BLTP2: variants seen among roughly 807,000 people sequenced by gnomAD.
BLTP2 encodes the protein U937-associated antigen.
chr17:28,615,840 G>T, the BLTP2 span: 5 of 1,607,016 alleles, frequency 3.1e-6, no homozygotes, highest in Admixed American at 5.0e-5. Flanking sequence ...AGAGGGGTGG[G>T]GAATACATCA....
chr17:28,625,355 A>G, the BLTP2 span, among the ~76,000 whole-genome samples: 7 of 145,634 alleles, frequency 4.8e-5, no homozygotes, highest in African/African-American at 7.7e-5. Context: ...AAAAAAAAAA[A>G]AAAGAAAAAG....
the BLTP2 span, chr17:28,644,104 C>CA: frequency 3.1e-6 from 5 of 1,613,982 alleles, no homozygotes; most frequent in African/African-American, 1.3e-5. Context: ...ATTCTGGATC[C>CA]AAAAAAAGCG....
At chr17:28,640,773 C>T in the BLTP2 span, 141 of 1,290,698 alleles carry the variant, frequency 1.1e-4, no homozygotes, top group Non-Finnish European at 1.4e-4. Flanking sequence ...TCAAATCCTC[C>T]CACATAAAGT....
chr17:28,628,069 T>C, the BLTP2 span, among the ~76,000 whole-genome samples: 7 of 152,188 alleles, frequency 4.6e-5, 1 homozygote, highest in South Asian at 6.2e-4. Context: ...CTTCTGGCCA[T>C]AGGACCAGAC....
chr17:28,632,115 G>A, the BLTP2 span: 1 of 1,614,186 alleles, frequency 6.2e-7, no homozygotes, highest in Non-Finnish European at 8.5e-7. Flanking sequence ...TCTTCTTGCT[G>A]GGTTTCAGGT....
the BLTP2 span, chr17:28,633,993 C>T: frequency 6.2e-7 from 1 of 1,614,140 alleles, no homozygotes; most frequent in Non-Finnish European, 8.5e-7. Flanking sequence ...CCGACGGGAG[C>T]AAGGCTGACC....
chr17:28,643,737 C>G, the BLTP2 span: 2 of 1,377,984 alleles, frequency 1.5e-6, no homozygotes, highest in African/African-American at 1.4e-5. Context: ...AGGAAATGTT[C>G]TGGATTATTA....
At chr17:28,633,834 C>T in the BLTP2 span, 7 of 1,602,066 alleles carry the variant, frequency 4.4e-6, no homozygotes, top group African/African-American at 2.7e-5. Context: ...TCTCAGCTCA[C>T]CTCCCATTTC....
chr17:28,630,684 A>G, the BLTP2 span, among the ~76,000 whole-genome samples: 1 of 151,588 alleles, frequency 6.6e-6, no homozygotes. Flanking sequence ...GGGTTTCACC[A>G]TGTTGGTCAG....
the BLTP2 span, chr17:28,619,600 G>T: frequency 6.2e-7 from 1 of 1,608,772 alleles, no homozygotes; most frequent in Non-Finnish European, 8.5e-7. Context: ...GCAAGAAAGA[G>T]AACTGCCTCT....
chr17:28,639,291 G>A, the BLTP2 span: 1 of 1,613,258 alleles, frequency 6.2e-7, no homozygotes, highest in Non-Finnish European at 8.5e-7. Flanking sequence ...TGACAAGAAG[G>A]TGGCTGAAAA....
At chr17:28,619,814 T>A in the BLTP2 span, 1 of 1,613,710 alleles carries the variant, frequency 6.2e-7, no homozygotes, top group African/African-American at 1.3e-5. Context: ...CCGCCCTCGT[T>A]CTAGGAGACT....
the BLTP2 span, chr17:28,633,652 T>G: frequency 3.1e-6 from 5 of 1,613,898 alleles, no homozygotes; most frequent in Non-Finnish European, 3.4e-6. Context: ...TGGGCTGGGG[T>G]CAGCTGAGGG....
chr17:28,639,319 T>C, the BLTP2 span: 1 of 1,614,202 alleles, frequency 6.2e-7, no homozygotes. Context: ...ACTGACCTTT[T>C]TTTCCTTTGC....
At chr17:28,631,798 TGAAAG>T in the BLTP2 span, 10 of 1,609,922 alleles carry the variant, frequency 6.2e-6, no homozygotes, top group African/African-American at 2.7e-5. Flanking sequence ...ATAGGAGAAA[TGAAAG>T]GAGTCTTTCA....
At chr17:28,616,530 C>T in the BLTP2 span, 2 of 1,614,110 alleles carry the variant, frequency 1.2e-6, no homozygotes, top group South Asian at 2.2e-5. This position sits in a 1 kb window ranked among gnomAD's most constrained non-coding sequence, Gnocchi z 4.8. Flanking sequence ...GCAAGTGTAC[C>T]AGCTGTCATC....
At chr17:28,617,931 CTTTTTTT>C in the BLTP2 span, among the ~76,000 whole-genome samples, 1 of 128,700 alleles carries the variant, frequency 7.8e-6, no homozygotes, top group Admixed American at 7.8e-5. Context: ...ACCCAATTTT[CTTTTTTT>C]TTTTTTTTTT....
chr17:28,628,411 AG>A, the BLTP2 span: 2 of 1,614,210 alleles, frequency 1.2e-6, no homozygotes, highest in Non-Finnish European at 8.5e-7. Flanking sequence ...CTCAGTAGAA[AG>A]ATTACGTTTG....
chr17:28,641,618 GTGAC>G, the BLTP2 span, among the ~76,000 whole-genome samples: 1 of 151,440 alleles, frequency 6.6e-6, no homozygotes, highest in Admixed American at 6.6e-5. Context: ...TCCAGCCTGG[GTGAC>G]AGAGCAAGAC....
Sources: allele counts gnomAD v4.1 joint callset (sites outside exome capture counted in the v4.1 genomes callset), GRCh38; gene constraint gnomAD v4.1.1; non-coding constraint Gnocchi (gnomAD v3.1); transcripts MANE v1.5; gene names NCBI Gene and HGNC (gene_info 2026-07-23, HGNC 2026-07-21).